Variants in SLC8A1 observed in about 807,000 individuals in gnomAD.
SLC8A1 encodes the protein sodium/calcium exchanger 1.
Under a neutral mutation model 68.3 loss-of-function variants are expected in SLC8A1, and 18 were observed. That is an observed-to-expected ratio of 0.26 (90% CI 0.18 to 0.39). The LOEUF (loss-of-function observed/expected upper bound fraction) is 0.39, where lower values mean the gene tolerates loss of function less well. Among genes scored for constraint, SLC8A1 ranks in the 10% least tolerant of loss-of-function variants. The pLI is 1.00. For synonymous variants in SLC8A1, 475 were observed against 415.5 expected, an observed-to-expected ratio of 1.14 and a Z score of -1.74; for missense variants, 985 against 1,156.7, an observed-to-expected ratio of 0.85 and a Z score of 2.15.
intron 2 of SLC8A1, among the ~76,000 whole-genome samples, chr2:40,194,758 C>A (rs561564812): frequency 2.1e-5 from 3 of 140,060 alleles, no homozygotes; most frequent in African/African-American, 5.5e-5. Context: ...TATGTCATAT[C>A]CTAGGGCCAG....
At chr2:40,358,102 A>G (rs993864089) in intron 2 of SLC8A1, among the ~76,000 whole-genome samples, 3 of 151,266 alleles carry the variant, frequency 2.0e-5, no homozygotes, top group Non-Finnish European at 4.4e-5. Context: ...CCTAGCCCTC[A>G]TTCCTGTTAT....
rs1275318167 is a variant in SLC8A1, at chr2:40,140,842, T to C, written c.2162-1166A>G. Among the ~76,000 whole-genome samples the C allele has an allele frequency of 4.6e-5, 7 of 152,304 alleles. No individual in the cohort carries two copies. In the East Asian group the frequency reaches 1.3e-3, roughly 29 times the overall value. On this transcript the variant is annotated intron_variant, in intron 6 of 7. Coordinates refer to ENST00000406785, the Ensembl canonical transcript of SLC8A1. ...TAACTATGCAATTACCTGATATATA[T>C]ATATCACAATTTTGCCAATTAAGTC...
intron 2 of SLC8A1, among the ~76,000 whole-genome samples, chr2:40,241,399 C>A (rs2061205366): frequency 7.5e-6 from 1 of 133,258 alleles, no homozygotes; most frequent in Non-Finnish European, 1.7e-5. Context: ...GTACTCAGTA[C>A]CTGAATGACG....
intron 5 of SLC8A1, among the ~76,000 whole-genome samples, chr2:40,161,947 G>A (rs150569573): frequency 1.3e-5 from 2 of 152,198 alleles, no homozygotes; most frequent in Non-Finnish European, 2.9e-5. Flanking sequence ...CTAACTGGGA[G>A]TAAGCAAAAT....
intron 2 of SLC8A1, among the ~76,000 whole-genome samples, chr2:40,320,102 CATT>C (rs1169672630): frequency 2.0e-5 from 3 of 152,124 alleles, no homozygotes; most frequent in Admixed American, 6.6e-5. Context: ...TCATTATCAT[CATT>C]ACCATCACCA....
At chr2:40,452,099 G>C (rs1388310402), upstream of SLC8A1, 1 of 149,072 alleles carries the variant, frequency 6.7e-6, no homozygotes, top group Non-Finnish European at 1.5e-5. Context: ...GCAGCGGGCA[G>C]CGGTGCGCGC....
At chr2:40,462,415 T>C (rs1404627375) in intron 1 of SLC8A1, among the ~76,000 whole-genome samples, 1 of 152,112 alleles carries the variant, frequency 6.6e-6, no homozygotes, top group African/African-American at 2.4e-5. Context: ...TCTATTTATA[T>C]ATGAATCCTA....
intron 2 of SLC8A1, among the ~76,000 whole-genome samples, chr2:40,270,157 G>A (rs1015273554): frequency 6.6e-6 from 1 of 152,188 alleles, no homozygotes; most frequent in Admixed American, 6.5e-5. Flanking sequence ...GTGTCTATGA[G>A]ACAATTCAAA....
chr2:40,145,542 T>G (rs116732684), intron 6 of SLC8A1, among the ~76,000 whole-genome samples: 1 of 152,214 alleles, frequency 6.6e-6, no homozygotes, highest in Non-Finnish European at 1.5e-5. Flanking sequence ...ATTATGACTT[T>G]TTTGCAACCT....
At chr2:40,361,499 T>A (rs1674623533) in intron 2 of SLC8A1, among the ~76,000 whole-genome samples, 1 of 151,890 alleles carries the variant, frequency 6.6e-6, no homozygotes. Context: ...GTCTTAATAT[T>A]ACTGTAAACA....
At chr2:40,494,777 C>T (rs923612247) in intron 1 of SLC8A1, among the ~76,000 whole-genome samples, 1 of 149,520 alleles carries the variant, frequency 6.7e-6, no homozygotes, top group Non-Finnish European at 1.5e-5. Context: ...TAATTTCTGT[C>T]AGCTATTGGC....
intron 2 of SLC8A1, among the ~76,000 whole-genome samples, chr2:40,374,995 T>A (rs1016173513): frequency 9.2e-5 from 14 of 152,010 alleles, no homozygotes; most frequent in Non-Finnish European, 5.9e-5. Flanking sequence ...AATTCCAGAG[T>A]AATAAATCTT....
chr2:40,391,262 A>T (rs1420269066), intron 2 of SLC8A1, among the ~76,000 whole-genome samples: 4 of 152,032 alleles, frequency 2.6e-5, no homozygotes, highest in African/African-American at 7.2e-5. Context: ...AAGTAATTCC[A>T]TTCTGGGAGA....
chr2:40,120,580 G>T (rs1408719606), intron 7 of SLC8A1: 2 of 152,168 alleles, frequency 1.3e-5, no homozygotes, highest in Non-Finnish European at 2.9e-5. Context: ...TATATGCAAT[G>T]TTTGATTTTG....
chr2:40,262,163 A>G (rs1005840657), intron 2 of SLC8A1, among the ~76,000 whole-genome samples: 4 of 152,018 alleles, frequency 2.6e-5, no homozygotes, highest in African/African-American at 7.2e-5. Context: ...GGGTTTCACC[A>G]TGTTGGCCAG....
intron 7 of SLC8A1, among the ~76,000 whole-genome samples, chr2:40,133,742 C>G (rs906683747): frequency 3.3e-5 from 5 of 151,674 alleles, no homozygotes; most frequent in African/African-American, 7.3e-5. Flanking sequence ...AGAGTTCTCC[C>G]TGCAGTTAAA....
chr2:40,212,947 G>C (rs2056869320), intron 2 of SLC8A1, among the ~76,000 whole-genome samples: 1 of 152,160 alleles, frequency 6.6e-6, no homozygotes, highest in Non-Finnish European at 1.5e-5. Flanking sequence ...CTAAGTCAGG[G>C]CCAGAAGTTG....
intron 1 of SLC8A1, among the ~76,000 whole-genome samples, chr2:40,436,393 T>G (rs1387709529): frequency 6.6e-6 from 1 of 152,092 alleles, no homozygotes; most frequent in Non-Finnish European, 1.5e-5. Flanking sequence ...TGAGCAGAGT[T>G]CAAAATCAGA....
chr2:40,452,424 G>T (rs74816753), upstream of SLC8A1, among the ~76,000 whole-genome samples: 2 of 152,112 alleles, frequency 1.3e-5, no homozygotes, highest in African/African-American at 4.8e-5. Flanking sequence ...CCCGCAGTGC[G>T]TTGTGGCCGC....
Sources: gnomAD v4.1 joint callset for allele counts (sites outside exome capture counted in the v4.1 genomes callset) on GRCh38, gnomAD v4.1.1 for gene constraint, MANE v1.5 for transcripts, NCBI Gene and HGNC (gene_info 2026-07-23, HGNC 2026-07-21) for gene names.